Variants in BST1 observed in about 807,000 individuals in gnomAD.
BST1 encodes the protein ADP-ribosyl cyclase/cyclic ADP-ribose hydrolase 2.
In BST1, 49 loss-of-function variants were observed where a neutral mutation model predicts 40.6. The ratio of observed to expected loss-of-function variants is 1.21; its 90% confidence interval spans 0.96 to 1.53. The LOEUF (loss-of-function observed/expected upper bound fraction) is 1.53. Among genes scored for constraint, BST1 ranks in the 40% most tolerant of loss-of-function variants. The probability of loss-of-function intolerance (pLI) is 0.00; values close to 1 mark genes in which losing one functional copy is unlikely to be tolerated. For missense variants in BST1, 423 were observed against 395.9 expected (o/e 1.07, Z -0.58); for synonymous variants, 157 against 159.3 (o/e 0.99, Z 0.11).
intron 8 of BST1, among the ~76,000 whole-genome samples, chr4:15,728,232 A>AG (rs1391879097): frequency 6.6e-6 from 1 of 152,120 alleles, no homozygotes; most frequent in Non-Finnish European, 1.5e-5. Context: ...AGTGGGGTAA[A>AG]GGGCTTTTAA....
chr4:15,708,919 T>C (rs1243063692), intron 3 of BST1, among the ~76,000 whole-genome samples: 2 of 152,144 alleles, frequency 1.3e-5, no homozygotes, highest in East Asian at 1.9e-4. Context: ...GTTCTGTTTA[T>C]TTCTCCTCCA....
At chr4:15,754,269 G>A in the BST1 span, among the ~76,000 whole-genome samples, 1 of 152,314 alleles carries the variant, frequency 6.6e-6, no homozygotes, top group East Asian at 1.9e-4. Flanking sequence ...CAGAACAATA[G>A]AGGCTTCATG....
At chr4:15,715,213 TA>T in intron 4 of BST1, 71 bp from the exon 5 acceptor site, 2 of 1,395,896 alleles carry the variant, frequency 1.4e-6, no homozygotes, top group South Asian at 1.2e-5. Flanking sequence ...TGACAATTTG[TA>T]AAAAATGCAC....
the BST1 span, among the ~76,000 whole-genome samples, chr4:15,767,307 C>CT: frequency 4.6e-5 from 7 of 151,464 alleles, no homozygotes; most frequent in Non-Finnish European, 4.4e-5. Context: ...TACTTTTTAT[C>CT]AATTTTTTTT....
intron 8 of BST1, among the ~76,000 whole-genome samples, chr4:15,728,087 AG>A (rs1721202497): frequency 6.6e-6 from 1 of 152,106 alleles, no homozygotes; most frequent in Non-Finnish European, 1.5e-5. Flanking sequence ...ACAGACATAT[AG>A]TACTGGAATG....
In BST1 at chr4:15,731,630, C is replaced by T. The variant is rs1721379551; in HGVS notation, c.852-110C>T. ...TCACGGGAGACTTTGCTGCTCATGGCTTCTCGCTCCGCGCTAACCAGAAAA... is the reference window on the plus strand; with the variant it reads ...TCACGGGAGACTTTGCTGCTCATGGTTTCTCGCTCCGCGCTAACCAGAAAA... On this transcript the variant is annotated intron_variant, in intron 8 of 8. Coordinates refer to ENST00000265016, the MANE Select transcript of BST1 (RefSeq NM_004334.3). The T allele has an allele frequency of 6.4e-6, 9 of 1,411,058 alleles. No homozygotes were observed. The Middle Eastern group carries it at 1.5e-3, about 238-fold the overall frequency. 87.4% of individuals were successfully genotyped at this position (1,411,058 alleles called of 1,614,324 possible).
chr4:15,726,671 C>G (rs60913985), intron 8 of BST1, among the ~76,000 whole-genome samples: 20,465 of 152,016 alleles, frequency 0.13, 2,597 homozygotes, highest in East Asian at 0.52. Flanking sequence ...TGGTTTTACT[C>G]TTTGTCTCAT....
the BST1 span, among the ~76,000 whole-genome samples, chr4:15,745,054 AT>A: frequency 2.0e-5 from 3 of 152,212 alleles, no homozygotes; most frequent in Non-Finnish European, 4.4e-5. Context: ...AATTATTAAA[AT>A]TATCTGCAAC....
chr4:15,716,359 A>G (rs1720514983), intron 6 of BST1, among the ~76,000 whole-genome samples: 2 of 152,350 alleles, frequency 1.3e-5, no homozygotes, highest in South Asian at 4.1e-4. Flanking sequence ...AAAAAAGTTA[A>G]ACTGATTTGG....
At chr4:15,718,836 T>C (rs1430071793) in intron 6 of BST1, 71 bp from the exon 7 acceptor site, 4 of 1,339,634 alleles carry the variant, frequency 3.0e-6, no homozygotes, top group Non-Finnish European at 4.2e-6. Flanking sequence ...GAAATTATGT[T>C]TAACCCAGAA....
At chr4:15,714,910 C>A (rs976888181) in intron 4 of BST1, among the ~76,000 whole-genome samples, 11 of 152,198 alleles carry the variant, frequency 7.2e-5, no homozygotes, top group Non-Finnish European at 1.5e-4. Context: ...TGAAACAAAA[C>A]CCCAGTGGGC....
the BST1 span, among the ~76,000 whole-genome samples, chr4:15,763,621 A>AT: frequency 6.6e-6 from 1 of 151,930 alleles, no homozygotes; most frequent in Non-Finnish European, 1.5e-5. Flanking sequence ...GAATTTTACA[A>AT]TTTATTAGAG....
chr4:15,721,597 AC>A (rs768265172), intron 7 of BST1, among the ~76,000 whole-genome samples: 84 of 147,780 alleles, frequency 5.7e-4, no homozygotes, highest in Admixed American at 8.8e-4. Flanking sequence ...ACAGGTGGGA[AC>A]TGAACAATGA....
downstream of BST1, among the ~76,000 whole-genome samples, chr4:15,736,693 A>G (rs1273366670): frequency 2.0e-5 from 3 of 151,880 alleles, no homozygotes; most frequent in Non-Finnish European, 1.5e-5. Context: ...AGGAGACCCC[A>G]CTGCACTCTC....
intron 8 of BST1, among the ~76,000 whole-genome samples, chr4:15,726,347 TG>T (rs1721112972): frequency 1.3e-5 from 2 of 152,028 alleles, no homozygotes; most frequent in Admixed American, 6.6e-5. Flanking sequence ...GATGAATAGA[TG>T]AATGAACGAA....
rs753956494 is a variant in BST1 at position 15,718,867 on chromosome 4, T to A, written c.705-40T>A. The stretch of plus-strand genomic sequence containing the variant: ...CAGAAACAACTTCCTCTTCCTCCTC[T>A]TATTTGCTTACTTTTTAATTATATA... On this transcript the variant is annotated intron_variant, in intron 6 of 8. Coordinates refer to ENST00000265016, the MANE Select transcript of BST1 (RefSeq NM_004334.3). 8 of 1,562,234 alleles carry A rather than the reference T, an allele frequency of 5.1e-6. No individual in the cohort carries two copies. The East Asian group carries it at 6.9e-5, about 14-fold the overall frequency.
chr4:15,708,941 A>G (rs1038781751), intron 3 of BST1, among the ~76,000 whole-genome samples: 6 of 152,176 alleles, frequency 3.9e-5, no homozygotes, highest in African/African-American at 9.7e-5. Context: ...TCATTTGTCC[A>G]TCAAACTAAA....
At chr4:15,768,996 T>C in the BST1 span, among the ~76,000 whole-genome samples, 3 of 152,138 alleles carry the variant, frequency 2.0e-5, no homozygotes, top group African/African-American at 4.8e-5. Context: ...TCATCACATG[T>C]TTACATGATG....
At chr4:15,744,555 T>G in the BST1 span, among the ~76,000 whole-genome samples, 1 of 152,176 alleles carries the variant, frequency 6.6e-6, no homozygotes, top group Non-Finnish European at 1.5e-5. Flanking sequence ...GATTACAATT[T>G]AAGATGAGAT....
Sources: gnomAD v4.1 joint callset for allele counts (sites outside exome capture counted in the v4.1 genomes callset) on GRCh38, gnomAD v4.1.1 for gene constraint, MANE v1.5 for transcripts, NCBI Gene and HGNC (gene_info 2026-07-23, HGNC 2026-07-21) for gene names.